Variants in SLC9A9 observed in about 807,000 individuals in gnomAD.
SLC9A9 encodes sodium/hydrogen exchanger 9.
Under a neutral mutation model 77.8 loss-of-function variants are expected in SLC9A9, and 62 were observed. The observed-to-expected ratio is 0.80, with a 90% confidence interval of 0.65 to 0.98. The LOEUF is 0.98. SLC9A9 is among the 50% of genes least tolerant of loss of function. The probability of loss-of-function intolerance (pLI) is 0.00; values close to 1 mark genes in which losing one functional copy is unlikely to be tolerated. For synonymous variants in SLC9A9, 320 were observed against 283.5 expected (o/e 1.13, Z -1.29); for missense variants, 775 against 774.9 (o/e 1.00, Z 0.00).
At position 143,266,663 on chromosome 3, in the gene SLC9A9, T is replaced by C; in HGVS notation, c.*39A>G. On this transcript the variant is annotated 3_prime_UTR_variant, in exon 16 of 16. Coordinates refer to ENST00000316549, the MANE Select transcript of SLC9A9 (RefSeq NM_173653.4). ...CTTGGCTTGTATTCCTCAGTGAGTC[T>C]TGCATTACTTGTGATTACATCTGTA... 1 of 1,607,188 alleles carries C rather than the reference T, an allele frequency of 6.2e-7. No homozygotes were observed. The highest frequency in any genetic ancestry group is 8.5e-7 in the Non-Finnish European group (1 of 1,174,026).
Position 143,835,390 on chromosome 3 carries a change from T to C in SLC9A9, c.176-3169A>G, listed in dbSNP as rs371135310. ...TGAAAAATCTCAGCCTCCTAACACA[T>C]CTGGTTAAAAAACCCATGCACTCAT... is the stretch of plus-strand genomic sequence containing the variant. On this transcript the variant is annotated intron_variant, in intron 1 of 15. Coordinates refer to ENST00000316549, the MANE Select transcript of SLC9A9 (RefSeq NM_173653.4). Among the ~76,000 whole-genome samples the C allele has an allele frequency of 5.3e-5, 8 of 152,206 alleles. No individual in the cohort carries two copies. The East Asian group carries it at 7.7e-4, about 15-fold the overall frequency.
At chr3:143,398,786 A>G (rs556427542) in intron 12 of SLC9A9, among the ~76,000 whole-genome samples, 18 of 152,290 alleles carry the variant, frequency 1.2e-4, no homozygotes, top group African/African-American at 3.8e-4. Context: ...ATATCACTAA[A>G]ATTAAAATTA....
rs188190860 is a variant in SLC9A9, at chr3:143,512,625, C to T, written c.1090-17177G>A. Among the ~76,000 whole-genome samples the T allele has an allele frequency of 5.4e-3, 820 of 152,312 alleles. 3 individuals carry two copies. Among genetic ancestry groups the T allele is most frequent in the South Asian group, 0.02 (95 of 4,824 alleles). ...GGGTGCGGTGGCTCACGCCTGTAATCCCAGCACTTTGGGATGCCAAGGCGG... is the reference window on the plus strand; with the variant it reads ...GGGTGCGGTGGCTCACGCCTGTAATTCCAGCACTTTGGGATGCCAAGGCGG... On this transcript the variant is annotated intron_variant, in intron 9 of 15. Coordinates refer to ENST00000316549, the MANE Select transcript of SLC9A9 (RefSeq NM_173653.4).
At chr3:143,781,281 CT>C (rs1452559213) in intron 4 of SLC9A9, among the ~76,000 whole-genome samples, 2 of 152,046 alleles carry the variant, frequency 1.3e-5, no homozygotes, top group Non-Finnish European at 2.9e-5. Flanking sequence ...ATAAAAATGC[CT>C]TGCTAACCTC....
chr3:143,618,530 G>C (rs2038146311), intron 6 of SLC9A9, among the ~76,000 whole-genome samples: 1 of 151,974 alleles, frequency 6.6e-6, no homozygotes, highest in African/African-American at 2.4e-5. Flanking sequence ...ACAGTACAAA[G>C]TTCATTTGCC....
intron 4 of SLC9A9, among the ~76,000 whole-genome samples, chr3:143,722,328 C>T (rs1934522820): frequency 6.6e-6 from 1 of 151,836 alleles, no homozygotes; most frequent in African/African-American, 2.4e-5. Context: ...AAAAAATTAG[C>T]CGGGCGTAGT....
intron 14 of SLC9A9, among the ~76,000 whole-genome samples, chr3:143,345,517 G>T (rs1312321488): frequency 6.6e-6 from 1 of 152,186 alleles, no homozygotes; most frequent in East Asian, 1.9e-4. Context: ...AGCTGCTTTA[G>T]TAAAGTTGTT....
At chr3:143,358,002 T>C (rs1017975280) in intron 14 of SLC9A9, among the ~76,000 whole-genome samples, 3 of 147,394 alleles carry the variant, frequency 2.0e-5, no homozygotes, top group Non-Finnish European at 4.4e-5. Flanking sequence ...TGTCAAGTTT[T>C]AGGAGGGGAA....
chr3:143,364,355 G>A (rs572368572), intron 13 of SLC9A9, among the ~76,000 whole-genome samples: 7 of 152,188 alleles, frequency 4.6e-5, no homozygotes, highest in Non-Finnish European at 1.0e-4. Context: ...TCAATCAGTT[G>A]TAATTATCCT....
At chr3:143,427,237 A>G (rs1025371720) in intron 12 of SLC9A9, among the ~76,000 whole-genome samples, 2 of 152,248 alleles carry the variant, frequency 1.3e-5, no homozygotes, top group Non-Finnish European at 2.9e-5. Flanking sequence ...TTGCTTGTGT[A>G]AAGCATTCAT....
intron 12 of SLC9A9, among the ~76,000 whole-genome samples, chr3:143,440,671 A>C (rs1559916822): frequency 6.6e-6 from 1 of 152,226 alleles, no homozygotes; most frequent in Non-Finnish European, 1.5e-5. Context: ...TTGCTTACCG[A>C]TGCAGGTCTT....
At chr3:143,391,943 G>C (rs2033577905) in intron 12 of SLC9A9, among the ~76,000 whole-genome samples, 1 of 152,112 alleles carries the variant, frequency 6.6e-6, no homozygotes. Flanking sequence ...AAGAAATATG[G>C]GACTGTGTGA....
chr3:143,273,055 C>A (rs1382475216), intron 14 of SLC9A9, among the ~76,000 whole-genome samples: 1 of 152,238 alleles, frequency 6.6e-6, no homozygotes, highest in Non-Finnish European at 1.5e-5. Context: ...TACCTGGTGA[C>A]ATTGATTGAT....
At chr3:143,817,142 T>TA (rs2009038434) in intron 2 of SLC9A9, among the ~76,000 whole-genome samples, 3 of 104,994 alleles carry the variant, frequency 2.9e-5, no homozygotes, top group African/African-American at 8.9e-5. Context: ...TATTTTTTTT[T>TA]TTATTTTTTT....
chr3:143,277,985 G>C (rs1316506237), intron 14 of SLC9A9, among the ~76,000 whole-genome samples: 1 of 152,128 alleles, frequency 6.6e-6, no homozygotes, highest in Non-Finnish European at 1.5e-5. Flanking sequence ...TTAAGATAAG[G>C]GTGGCAGCTC....
chr3:143,660,937 T>C (rs1360581274), intron 5 of SLC9A9, among the ~76,000 whole-genome samples: 1 of 152,238 alleles, frequency 6.6e-6, no homozygotes, highest in Non-Finnish European at 1.5e-5. Context: ...CCTCTGTTGC[T>C]GATGTAATTT....
At chr3:143,778,654 T>C (rs1042102314) in intron 4 of SLC9A9, among the ~76,000 whole-genome samples, 15 of 152,188 alleles carry the variant, frequency 9.9e-5, no homozygotes, top group African/African-American at 3.1e-4. Context: ...TAATCAGATA[T>C]ATAGAAAATT....
At chr3:143,364,534 AG>A (rs974439956) in intron 13 of SLC9A9, among the ~76,000 whole-genome samples, 1 of 152,204 alleles carries the variant, frequency 6.6e-6, no homozygotes, top group Non-Finnish European at 1.5e-5. Context: ...GATGCTCCAC[AG>A]CCAGCCCTTA....
chr3:143,295,125 T>C (rs908598258), intron 14 of SLC9A9, among the ~76,000 whole-genome samples: 2 of 152,208 alleles, frequency 1.3e-5, no homozygotes, highest in African/African-American at 2.4e-5. Flanking sequence ...AAAGTTAAAA[T>C]AAACAGGAGA....
Sources: gnomAD v4.1 joint callset for allele counts (sites outside exome capture counted in the v4.1 genomes callset) on GRCh38, gnomAD v4.1.1 for gene constraint, MANE v1.5 for transcripts, NCBI Gene and HGNC (gene_info 2026-07-23, HGNC 2026-07-21) for gene names.